The following DDHD1 variants were observed in gnomAD, a reference collection of about 807,000 sequenced individuals.
DDHD1 encodes the protein DDHD domain containing 1, also known as phospholipase DDHD1.
Under a neutral mutation model 96.4 loss-of-function variants are expected in DDHD1, and 49 were observed. The ratio of observed to expected loss-of-function variants is 0.51; its 90% CI spans 0.40 to 0.64. The LOEUF (loss-of-function observed/expected upper bound fraction) is 0.64, where lower values mean the gene tolerates loss of function less well. DDHD1 is among the 30% of genes least tolerant of loss of function. DDHD1 has a pLI of 0.00. For missense variants in DDHD1, 1,106 were observed against 1,161.2 expected, an observed-to-expected ratio of 0.95 and a Z score of 0.69; for synonymous variants, 442 against 446.5, an observed-to-expected ratio of 0.99 and a Z score of 0.13.
rs1891524888 is a variant in DDHD1 at position 53,152,700 on chromosome 14, G to A, written c.399C>T (p.Gly133=). The change falls in exon 1 of 13, where the codon GGC becomes GGT. Residue 133 remains glycine, a synonymous_variant. Coordinates refer to ENST00000673822, the MANE Select transcript of DDHD1 (RefSeq NM_001160148.2). Reference sequence around the variant, plus strand: ...CCCCGGGGGACCCTCCTGTCGCGCCGCCGCCCCCCGAGTTCGTCGGGACCA... The same window carrying A: ...CCCCGGGGGACCCTCCTGTCGCGCCACCGCCCCCCGAGTTCGTCGGGACCA... The part of the protein sequence containing the change: ...PPLVPTNSGG[G]GATGGSPGER... 4 of 1,610,750 alleles carry A rather than the reference G, an allele frequency of 2.5e-6. No homozygotes were observed. The highest frequency in any genetic ancestry group is 2.5e-6 in the Non-Finnish European group (3 of 1,178,930).
chr14:53,152,113 G>GATGGAGATTGTGTATAT, intron 1 of DDHD1, 148 bp downstream of exon 1: 1 of 833,742 alleles, frequency 1.2e-6, no homozygotes, highest in Admixed American at 3.2e-5. Context: ...AGCTGCCGAC[G>GATGGAGATTGTGTATAT]CTCCCTGCTC....
intron 4 of DDHD1, among the ~76,000 whole-genome samples, chr14:53,084,529 G>A (rs924670309): frequency 6.6e-6 from 1 of 152,198 alleles, no homozygotes; most frequent in Non-Finnish European, 1.5e-5. Flanking sequence ...TAATTCATCA[G>A]AGAGTAAAAT....
chr14:53,097,866 GA>G (rs1361906404), intron 2 of DDHD1, among the ~76,000 whole-genome samples: 4 of 151,664 alleles, frequency 2.6e-5, no homozygotes, highest in Non-Finnish European at 5.9e-5. Context: ...GAGAAACAAA[GA>G]AAAAAATTTT....
At chr14:53,146,055 A>G (rs1243692361) in intron 1 of DDHD1, among the ~76,000 whole-genome samples, 2 of 152,088 alleles carry the variant, frequency 1.3e-5, no homozygotes, top group Non-Finnish European at 2.9e-5. Context: ...GAAAATACAC[A>G]ATTAGCCAGG....
chr14:53,152,358 C>G lies in DDHD1; in HGVS notation c.741G>C (p.Glu247Asp). 1 of 1,613,928 alleles carries G rather than the reference C, an allele frequency of 6.2e-7. No homozygotes were observed. ...FCQSTTGHEP[E>D]MVELVNIEPV... Reference sequence around the variant, plus strand: ...GCTCGATGTTCACAAGCTCCACCATCTCCGGCTCGTGCCCCGTCGTACTCT... The same window carrying G: ...GCTCGATGTTCACAAGCTCCACCATGTCCGGCTCGTGCCCCGTCGTACTCT... The change falls in exon 1 of 13, where the codon GAG becomes GAC. Residue 247 changes from glutamate (E) to aspartate (D), a missense_variant. Coordinates refer to ENST00000673822, the MANE Select transcript of DDHD1 (RefSeq NM_001160148.2).
intron 1 of DDHD1, among the ~76,000 whole-genome samples, chr14:53,130,739 C>T (rs1307507181): frequency 1.3e-5 from 2 of 152,184 alleles, no homozygotes; most frequent in African/African-American, 4.8e-5. Flanking sequence ...AGCTGTTGTC[C>T]CATCTGTGTG....
At chr14:53,047,182 T>A (rs1270017696) in intron 12 of DDHD1, among the ~76,000 whole-genome samples, 1 of 151,342 alleles carries the variant, frequency 6.6e-6, no homozygotes, top group Non-Finnish European at 1.5e-5. Context: ...TATAAAATAA[T>A]AAAGGAAGAC....
intron 1 of DDHD1, among the ~76,000 whole-genome samples, chr14:53,129,191 C>T (rs562892453): frequency 2.0e-5 from 3 of 152,304 alleles, no homozygotes; most frequent in South Asian, 2.1e-4. Flanking sequence ...GCCGAAGACC[C>T]GGGACAGGGG....
At chr14:53,142,343 C>T (rs978888596) in intron 1 of DDHD1, among the ~76,000 whole-genome samples, 1 of 152,122 alleles carries the variant, frequency 6.6e-6, no homozygotes, top group African/African-American at 2.4e-5. Flanking sequence ...AACCTAGCTG[C>T]CATCCCCACT....
intron 1 of DDHD1, among the ~76,000 whole-genome samples, chr14:53,115,797 C>A (rs1055706801): frequency 3.9e-5 from 6 of 152,156 alleles, no homozygotes; most frequent in Admixed American, 2.6e-4. Context: ...AGACCAATGA[C>A]ATTATGAAGA....
intron 1 of DDHD1, among the ~76,000 whole-genome samples, chr14:53,151,553 A>G (rs1304299515): frequency 6.6e-6 from 1 of 152,250 alleles, no homozygotes; most frequent in Non-Finnish European, 1.5e-5. Context: ...TACTTTCACA[A>G]CAATCCCGTG....
intron 2 of DDHD1, chr14:53,096,075 G>C (rs1886861999): frequency 1.1e-6 from 1 of 922,464 alleles, no homozygotes; most frequent in Admixed American, 6.2e-5. Context: ...CTATAAGCCA[G>C]GAATATAACT....
At position 53,040,074 on chromosome 14, in the gene DDHD1, TA is replaced by T. The variant is rs1182522608; in HGVS notation, c.*6693del. ...AAACAAACACCTAAAACTCGACTTT[TA>T]AAGTCACTTTGGTAGCAAAGGTGGG... On this transcript the variant is annotated 3_prime_UTR_variant, in exon 13 of 13. Coordinates refer to ENST00000673822, the MANE Select transcript of DDHD1 (RefSeq NM_001160148.2). 6.6e-6 allele frequency: 1 copy of T among 152,198 alleles called. No individual in the cohort carries two copies. Among genetic ancestry groups the T allele is most frequent in the Non-Finnish European group, 1.5e-5 (1 of 68,066 alleles). 9.4% of individuals were successfully genotyped at this position (152,198 alleles called of 1,614,324 possible). A position where few individuals can be genotyped will look rare whatever the true frequency, so the allele number is the denominator to read the frequency against.
At chr14:53,102,329 A>G (rs1887365366) in intron 2 of DDHD1, among the ~76,000 whole-genome samples, 1 of 152,070 alleles carries the variant, frequency 6.6e-6, no homozygotes, top group Non-Finnish European at 1.5e-5. Context: ...CAATCTGTAG[A>G]AACATACCTA....
At chr14:53,124,249 T>TTATATATATATATATATA (rs35996453) in intron 1 of DDHD1, among the ~76,000 whole-genome samples, 2,362 of 146,192 alleles carry the variant, frequency 0.016, 70 homozygotes, top group African/African-American at 0.057. Context: ...AAAAAAAAAA[T>TTATATATATATATATATA]TATATATATA....
At chr14:53,107,319 C>T (rs1887760457) in intron 1 of DDHD1, among the ~76,000 whole-genome samples, 1 of 152,204 alleles carries the variant, frequency 6.6e-6, no homozygotes, top group Admixed American at 6.5e-5. Context: ...AACTTGAACA[C>T]AAGCACTTCA....
chr14:53,049,097 T>A (rs1056125790), intron 12 of DDHD1: 1 of 152,228 alleles, frequency 6.6e-6, no homozygotes, highest in African/African-American at 2.4e-5. Context: ...ATTCTTAATA[T>A]GCTATTACTG....
chr14:53,150,789 T>C (rs1332377459), intron 1 of DDHD1, among the ~76,000 whole-genome samples: 1 of 152,222 alleles, frequency 6.6e-6, no homozygotes, highest in African/African-American at 2.4e-5. Context: ...CCATCTTTCT[T>C]AATGCCTTCA....
At chr14:53,115,959 G>C (rs1167286491) in intron 1 of DDHD1, among the ~76,000 whole-genome samples, 1 of 152,138 alleles carries the variant, frequency 6.6e-6, no homozygotes, top group Non-Finnish European at 1.5e-5. Flanking sequence ...AGACCCATTG[G>C]TGTGCTGTAT....
Sources: gnomAD v4.1 joint callset for allele counts (sites outside exome capture counted in the v4.1 genomes callset) on GRCh38, gnomAD v4.1.1 for gene constraint, MANE v1.5 for transcripts, NCBI Gene and HGNC (gene_info 2026-07-23, HGNC 2026-07-21) for gene names.